ASIC2: variants seen among roughly 807,000 people sequenced by gnomAD.
ASIC2 encodes the protein acid sensing ion channel subunit 2.
ASIC2 carries 25 observed loss-of-function variants against 57.3 expected under a neutral mutation model. The ratio of observed to expected loss-of-function variants is 0.44; its 90% confidence interval spans 0.32 to 0.61. The LOEUF (loss-of-function observed/expected upper bound fraction) is 0.61. Among genes scored for constraint, ASIC2 ranks in the 20% least tolerant of loss-of-function variants. The pLI, the probability that ASIC2 is intolerant of heterozygous loss-of-function variation, is 0.06. For missense variants in ASIC2, 641 were observed against 738.1 expected (o/e 0.87, Z 1.52); for synonymous variants, 319 against 307.5 (o/e 1.04, Z -0.39).
chr17:33,135,290 C>T (rs1470181073), intron 1 of ASIC2, among the ~76,000 whole-genome samples: 4 of 152,148 alleles, frequency 2.6e-5, no homozygotes, highest in Non-Finnish European at 5.9e-5. Flanking sequence ...AATACCCTTT[C>T]CAGGAATACC....
chr17:33,206,664 T>C (rs1907073039), intron 1 of ASIC2, among the ~76,000 whole-genome samples: 1 of 152,058 alleles, frequency 6.6e-6, no homozygotes, highest in Non-Finnish European at 1.5e-5. Flanking sequence ...TATCCTTCCA[T>C]GGCCCTGGTC....
At chr17:33,022,858 A>G (rs1025891385) in intron 6 of ASIC2, among the ~76,000 whole-genome samples, 3 of 152,264 alleles carry the variant, frequency 2.0e-5, no homozygotes, top group Non-Finnish European at 4.4e-5. Flanking sequence ...GGAAAACACC[A>G]GAGGACTTTG....
At chr17:33,261,240 G>A (rs930046681) in intron 1 of ASIC2, among the ~76,000 whole-genome samples, 1 of 152,082 alleles carries the variant, frequency 6.6e-6, no homozygotes, top group African/African-American at 2.4e-5. Flanking sequence ...TTCCACCTAC[G>A]CTCTTGAGCA....
intron 1 of ASIC2, among the ~76,000 whole-genome samples, chr17:34,012,343 A>G (rs1461358871): frequency 6.6e-6 from 1 of 152,076 alleles, no homozygotes; most frequent in African/African-American, 2.4e-5. Context: ...GCCTATCTCC[A>G]CTAAACGTCT....
intron 1 of ASIC2, among the ~76,000 whole-genome samples, chr17:34,015,475 T>G (rs899647998): frequency 1.7e-4 from 26 of 152,230 alleles, no homozygotes; most frequent in African/African-American, 6.3e-4. Context: ...GGCCAGGCCA[T>G]GTATGGCTCA....
intron 1 of ASIC2, among the ~76,000 whole-genome samples, chr17:33,246,859 C>A (rs1567797627): frequency 6.6e-6 from 1 of 152,048 alleles, no homozygotes; most frequent in African/African-American, 2.4e-5. Flanking sequence ...TTGCCCCCAG[C>A]CTTTCTGATT....
At chr17:33,861,684 C>T (rs141277317) in intron 1 of ASIC2, among the ~76,000 whole-genome samples, 144 of 152,308 alleles carry the variant, frequency 9.5e-4, no homozygotes, top group African/African-American at 3.3e-3. Flanking sequence ...AAAAGGCTAT[C>T]ACTGATTGAA....
intron 1 of ASIC2, among the ~76,000 whole-genome samples, chr17:33,719,967 A>G (rs551718186): frequency 6.6e-5 from 10 of 152,302 alleles, no homozygotes; most frequent in African/African-American, 2.4e-4. Context: ...TGAAGCTTCA[A>G]AACTTCTGGG....
chr17:33,403,385 A>G (rs549077556), intron 1 of ASIC2, among the ~76,000 whole-genome samples: 5 of 152,312 alleles, frequency 3.3e-5, no homozygotes, highest in Non-Finnish European at 2.9e-5. Flanking sequence ...TGGGAAGATC[A>G]TATCTCTTCT....
At chr17:33,227,580 G>A (rs1424422461) in intron 1 of ASIC2, among the ~76,000 whole-genome samples, 1 of 152,082 alleles carries the variant, frequency 6.6e-6, no homozygotes, top group Non-Finnish European at 1.5e-5. Flanking sequence ...CTCTTCAACT[G>A]TCCTTTCCAA....
chr17:33,165,423 G>A (rs1279277729), intron 1 of ASIC2, among the ~76,000 whole-genome samples: 2 of 152,120 alleles, frequency 1.3e-5, no homozygotes, highest in African/African-American at 2.4e-5. Flanking sequence ...GTCTTGGGTC[G>A]GGTTTTCTAA....
chr17:33,504,818 A>C (rs1490409639), intron 1 of ASIC2, among the ~76,000 whole-genome samples: 1 of 152,146 alleles, frequency 6.6e-6, no homozygotes, highest in Non-Finnish European at 1.5e-5. Flanking sequence ...AGAACTTGAC[A>C]TTTATCTCTG....
At chr17:33,060,913 C>G (rs1389656884) in intron 3 of ASIC2, among the ~76,000 whole-genome samples, 1 of 152,122 alleles carries the variant, frequency 6.6e-6, no homozygotes, top group African/African-American at 2.4e-5. Context: ...ATTTTATTGT[C>G]TTTGAAGCAA....
chr17:33,356,917 C>T (rs2142255576), intron 1 of ASIC2, among the ~76,000 whole-genome samples: 1 of 79,730 alleles, frequency 1.3e-5, no homozygotes, highest in South Asian at 4.1e-4. Flanking sequence ...AACGTCCCAA[C>T]CTCTGGGAGG....
At chr17:33,761,935 G>A (rs1910795765) in intron 1 of ASIC2, among the ~76,000 whole-genome samples, 1 of 151,874 alleles carries the variant, frequency 6.6e-6, no homozygotes, top group South Asian at 2.1e-4. Context: ...CTAGGAGTCA[G>A]GGGGTAGGGA....
rs117902656 is a variant in ASIC2 at position 33,910,217 on chromosome 17, C to T, written c.555+245761G>A. 3.7e-4 allele frequency among the ~76,000 whole-genome samples: 57 copies of T among 152,196 alleles called. No homozygotes were observed. The East Asian group carries it at 0.01, about 27-fold the overall frequency. ...ATCTGTCCTCAGAGCATCCATATTC[C>T]GGTTGGATGACAGACATTAGAAAAT... is the stretch of plus-strand genomic sequence containing the variant. On this transcript the variant is annotated intron_variant, in intron 1 of 9. Coordinates refer to the ASIC2 transcript ENST00000359872.
At chr17:33,490,857 G>A (rs1039233294) in intron 1 of ASIC2, among the ~76,000 whole-genome samples, 11 of 152,070 alleles carry the variant, frequency 7.2e-5, no homozygotes, top group East Asian at 1.9e-4. Flanking sequence ...TGGCATTTTC[G>A]CCGGGGATAA....
chr17:33,840,556 T>C (rs1294756385), intron 1 of ASIC2, among the ~76,000 whole-genome samples: 1 of 152,168 alleles, frequency 6.6e-6, no homozygotes, highest in Non-Finnish European at 1.5e-5. Flanking sequence ...GCTAAGATGT[T>C]TGGAATTTAT....
Position 34,079,809 on chromosome 17 carries a change from G to T in ASIC2, c.555+76169C>A, listed in dbSNP as rs571444264. ...TTCACCCTTGCTGTTTTGCTTGTCAGGTCACAGCAAGTCCTGGGTAGGTGA... is the reference window on the plus strand; with the variant it reads ...TTCACCCTTGCTGTTTTGCTTGTCATGTCACAGCAAGTCCTGGGTAGGTGA... On this transcript the variant is annotated intron_variant, in intron 1 of 9. Coordinates refer to the ASIC2 transcript ENST00000359872. Among the ~76,000 whole-genome samples the T allele has an allele frequency of 2.1e-4, 32 of 152,268 alleles. No homozygotes were observed. In the South Asian group the frequency reaches 6.6e-3, roughly 32 times the overall value.
Sources: gnomAD v4.1 joint callset for allele counts (sites outside exome capture counted in the v4.1 genomes callset) on GRCh38, gnomAD v4.1.1 for gene constraint, MANE v1.5 for transcripts, NCBI Gene and HGNC (gene_info 2026-07-23, HGNC 2026-07-21) for gene names.